SPATA16: variants seen among roughly 807,000 people sequenced by gnomAD.
SPATA16 encodes the protein spermatogenesis-associated protein 16.
SPATA16 carries 36 observed loss-of-function variants against 63.3 expected under a neutral mutation model. The observed-to-expected ratio is 0.57, with a 90% confidence interval of 0.44 to 0.75. The LOEUF (loss-of-function observed/expected upper bound fraction) is 0.75, where lower values mean the gene tolerates loss of function less well. SPATA16 is among the 30% of genes least tolerant of loss of function. The pLI is 0.00. For synonymous variants in SPATA16, 203 were observed against 216.7 expected (o/e 0.94, Z 0.56); for missense variants, 646 against 679.3 (o/e 0.95, Z 0.54).
At chr3:172,959,806 A>G (rs1733707106) in intron 5 of SPATA16, among the ~76,000 whole-genome samples, 2 of 144,672 alleles carry the variant, frequency 1.4e-5, no homozygotes, top group South Asian at 2.1e-4. Context: ...ATATATATAT[A>G]TATATATATA....
intron 1 of SPATA16, among the ~76,000 whole-genome samples, chr3:173,125,162 C>G (rs146372807): frequency 6.6e-6 from 1 of 152,186 alleles, no homozygotes; most frequent in Non-Finnish European, 1.5e-5. Flanking sequence ...CACATCCCCC[C>G]AGTTGGCCAA....
At chr3:173,068,846 C>T (rs1263743540) in intron 2 of SPATA16, among the ~76,000 whole-genome samples, 1 of 147,556 alleles carries the variant, frequency 6.8e-6, no homozygotes, top group African/African-American at 2.5e-5. Context: ...CGTGGTGGCT[C>T]ACGCCTGTAA....
intron 8 of SPATA16, among the ~76,000 whole-genome samples, chr3:172,923,555 A>C (rs1399976533): frequency 1.3e-5 from 2 of 152,272 alleles, no homozygotes; most frequent in East Asian, 1.9e-4. Flanking sequence ...AAAAGGAGAA[A>C]TCTGCAGCCT....
chr3:173,008,596 AAAT>A (rs1560095018), intron 4 of SPATA16, among the ~76,000 whole-genome samples: 1 of 152,214 alleles, frequency 6.6e-6, no homozygotes, highest in Non-Finnish European at 1.5e-5. Context: ...AAAATTCTAA[AAAT>A]AATAAAATAT....
chr3:173,010,834 C>T (rs1420873430), intron 4 of SPATA16, among the ~76,000 whole-genome samples: 1 of 152,070 alleles, frequency 6.6e-6, no homozygotes, highest in African/African-American at 2.4e-5. Context: ...CCTGAGAGTT[C>T]AGCCAGTGAC....
At chr3:172,992,912 G>A (rs573143596) in intron 4 of SPATA16, among the ~76,000 whole-genome samples, 1 of 152,158 alleles carries the variant, frequency 6.6e-6, no homozygotes, top group South Asian at 2.1e-4. Context: ...TTTGAGGAAA[G>A]CAAAGTCTTT....
intron 4 of SPATA16, among the ~76,000 whole-genome samples, chr3:173,017,475 C>T (rs1512746): frequency 0.15 from 23,307 of 152,076 alleles, 1,963 homozygotes; most frequent in African/African-American, 0.2. Context: ...TACTTTGGCT[C>T]CAACAGGCTT....
At chr3:172,903,635 G>A (rs1313981713) in intron 10 of SPATA16, among the ~76,000 whole-genome samples, 1 of 152,218 alleles carries the variant, frequency 6.6e-6, no homozygotes, top group East Asian at 1.9e-4. Context: ...TAAGTATACT[G>A]CAGAAATGTC....
intron 2 of SPATA16, among the ~76,000 whole-genome samples, chr3:173,070,641 CA>C (rs1314449949): frequency 4.6e-5 from 7 of 152,082 alleles, no homozygotes; most frequent in Non-Finnish European, 1.0e-4. Flanking sequence ...AATCATCTTA[CA>C]AAAGTCCGAA....
At chr3:173,023,340 A>G (rs964851215) in intron 3 of SPATA16, among the ~76,000 whole-genome samples, 1 of 152,010 alleles carries the variant, frequency 6.6e-6, no homozygotes, top group African/African-American at 2.4e-5. Context: ...ACTTGGGTCT[A>G]TGGCTGGGCT....
At chr3:173,008,987 C>T (rs1286082108) in intron 4 of SPATA16, among the ~76,000 whole-genome samples, 1 of 152,104 alleles carries the variant, frequency 6.6e-6, no homozygotes. Context: ...TTTTAGCAAA[C>T]TTTAAAATTC....
intron 6 of SPATA16, among the ~76,000 whole-genome samples, chr3:172,936,544 G>A (rs1432085787): frequency 6.6e-6 from 1 of 152,024 alleles, no homozygotes; most frequent in Non-Finnish European, 1.5e-5. Context: ...TGCTCTTATG[G>A]TATTTTGTTG....
chr3:172,939,806 T>A (rs565777407), intron 6 of SPATA16, among the ~76,000 whole-genome samples: 72 of 152,146 alleles, frequency 4.7e-4, no homozygotes, highest in Admixed American at 1.2e-3. Context: ...GAGGTGACTC[T>A]TGCTGGGCCC....
rs540340589 is a variant in SPATA16 at position 172,889,413 on chromosome 3, G to A, written c.*157C>T. On this transcript the variant is annotated 3_prime_UTR_variant, in exon 11 of 11. Transcript: ENST00000351008. ...TGCCAGTTGAGATTAATGAAACATAGAGTGTCTTTGGTAAAGATGAACTGA... is the reference window on the plus strand; with the variant it reads ...TGCCAGTTGAGATTAATGAAACATAAAGTGTCTTTGGTAAAGATGAACTGA... 10 of 1,003,262 alleles carry A rather than the reference G, an allele frequency of 1.0e-5. No individual in the cohort carries two copies. In the East Asian group the frequency reaches 2.2e-4, roughly 22 times the overall value. The allele number at this position is 1,003,262 out of a possible 1,614,324, so 62.1% of individuals were successfully genotyped here. A position where few individuals can be genotyped will look rare whatever the true frequency, so the allele number is the denominator to read the frequency against.
chr3:173,099,009 C>T (rs982700901), intron 2 of SPATA16, among the ~76,000 whole-genome samples: 5 of 152,164 alleles, frequency 3.3e-5, no homozygotes, highest in African/African-American at 1.2e-4. Context: ...CAAGGATCCC[C>T]AATCATCAAC....
chr3:173,083,662 C>T (rs769161161), intron 2 of SPATA16, among the ~76,000 whole-genome samples: 1 of 152,066 alleles, frequency 6.6e-6, no homozygotes, highest in Non-Finnish European at 1.5e-5. Flanking sequence ...CCGAAAGGCC[C>T]CAGTGTGTGT....
Position 172,910,660 on chromosome 3 carries a change from C to T in SPATA16, c.1587+3001G>A, listed in dbSNP as rs62282585. Among the ~76,000 whole-genome samples, 341 of 152,198 alleles carry T rather than the reference C, an allele frequency of 2.2e-3. 2 individuals carry two copies. The highest frequency in any genetic ancestry group is 4.4e-3 in the Non-Finnish European group (300 of 68,028). On this transcript the variant is annotated intron_variant, in intron 10 of 10. Transcript: ENST00000351008. ...TATTGCTTGAGTCTCATGAGGACCA[C>T]GTTTGGCTGCTCTATCTCTAATTCC...
At chr3:172,916,256 C>T in intron 9 of SPATA16, 61 bp downstream of exon 9, 2 of 1,540,912 alleles carry the variant, frequency 1.3e-6, no homozygotes, top group South Asian at 2.2e-5. Context: ...TTTCCCCAGA[C>T]CATATCACTT....
At chr3:173,013,494 C>T (rs1735115408) in intron 4 of SPATA16, among the ~76,000 whole-genome samples, 1 of 152,196 alleles carries the variant, frequency 6.6e-6, no homozygotes, top group Admixed American at 6.5e-5. Context: ...ACAAAGACAG[C>T]ACTTGACTTT....
Sources: gnomAD v4.1 joint callset for allele counts (sites outside exome capture counted in the v4.1 genomes callset) on GRCh38, gnomAD v4.1.1 for gene constraint, MANE v1.5 for transcripts, NCBI Gene and HGNC (gene_info 2026-07-23, HGNC 2026-07-21) for gene names.